Variants in TNXB observed in about 807,000 individuals in gnomAD.
TNXB encodes the protein tenascin XB.
Under a neutral mutation model 340.5 loss-of-function variants are expected in TNXB, and 183 were observed. That is an observed-to-expected ratio of 0.54 (90% confidence interval 0.48 to 0.61). The LOEUF is 0.61. Among genes scored for constraint, TNXB ranks in the 20% least tolerant of loss-of-function variants. The pLI is 0.00. For missense variants in TNXB, 4,613 were observed against 5,446.4 expected (o/e 0.85, Z 4.82); for synonymous variants, 2,121 against 2,314.5 (o/e 0.92, Z 2.40).
rs1346211489 is a variant in TNXB at position 32,082,089 on chromosome 6, A to T, written c.3683T>A (p.Phe1228Tyr). Residue 1228 changes from phenylalanine to tyrosine, a missense_variant, in exon 9 of 44, where the codon TTT becomes TAT. Coordinates refer to ENST00000644971, the MANE Select transcript of TNXB (RefSeq NM_001365276.2). This position sits in a 1 kb window ranked among gnomAD's most constrained non-coding sequence, Gnocchi z 5.0. ...DPDHKYRFTL[F>Y]GIANKKRYGP... Reference sequence around the variant, plus strand: ...ATACCGCTTCTTGTTCGCAATTCCAAACAGAGTGAATCTGTACTTGTGGTC... The same window carrying T: ...ATACCGCTTCTTGTTCGCAATTCCATACAGAGTGAATCTGTACTTGTGGTC... 1.9e-6 allele frequency: 3 copies of T among 1,610,028 alleles called. No individual in the cohort carries two copies. In the South Asian group the frequency reaches 3.3e-5, roughly 18 times the overall value.
At chr6:32,094,702 G>A (rs1780235060) in intron 4 of TNXB, among the ~76,000 whole-genome samples, 1 of 152,128 alleles carries the variant, frequency 6.6e-6, no homozygotes. Context: ...TAGGACACAG[G>A]GAAAGCAAAA....
chr6:32,056,661 G>A lies in TNXB; in HGVS notation c.8068C>T (p.His2690Tyr). ...GVTISGLEPD[H>Y]KYKMNLYGFH... is the part of the protein sequence containing the mutation. ...CCGTACAGGTTCATCTTGTATTTATGGTCTGGCTCCAGGCCTGAGATGGTG... is the reference window on the plus strand; with the variant it reads ...CCGTACAGGTTCATCTTGTATTTATAGTCTGGCTCCAGGCCTGAGATGGTG... The change falls in exon 23 of 44, where the codon CAT becomes TAT. Residue 2690 changes from histidine to tyrosine, a missense_variant. Coordinates refer to ENST00000644971, the MANE Select transcript of TNXB (RefSeq NM_001365276.2). 2 of 1,613,120 alleles carry A rather than the reference G, an allele frequency of 1.2e-6. No homozygotes were observed. The highest frequency in any genetic ancestry group is 2.2e-5 in the South Asian group (2 of 91,084).
chr6:32,077,668 C>T (rs1234781343), intron 11 of TNXB, among the ~76,000 whole-genome samples: 1 of 152,086 alleles, frequency 6.6e-6, no homozygotes, highest in Non-Finnish European at 1.5e-5. Context: ...TGTAACCAGG[C>T]CTGAGAGAAA....
chr6:32,048,350 A>G lies in TNXB; in HGVS notation c.10045+13T>C. On this transcript the variant is annotated intron_variant, in intron 29 of 43. Coordinates refer to ENST00000644971, the MANE Select transcript of TNXB (RefSeq NM_001365276.2). Reference sequence around the variant, plus strand: ...AAGGCTCTGGCCGCGGGAGGCCTCCAGCCCTCACTCACCGGTCCTGGCCTC... The same window carrying G: ...AAGGCTCTGGCCGCGGGAGGCCTCCGGCCCTCACTCACCGGTCCTGGCCTC... The G allele has an allele frequency of 1.4e-6, 2 of 1,477,904 alleles. No individual in the cohort carries two copies. The highest frequency in any genetic ancestry group is 1.8e-6 in the Non-Finnish European group (2 of 1,112,392). The allele number at this position is 1,477,904 out of a possible 1,614,324, so 91.5% of individuals were successfully genotyped here.
rs367949241 is a variant in TNXB at position 32,053,695 on chromosome 6, T to G, written c.8484A>C (p.Ala2828=). The change falls in exon 25 of 44, where the codon GCA becomes GCC. Residue 2828 remains alanine, a synonymous_variant. Transcript: ENST00000644971. Reference sequence around the variant, plus strand: ...TGGTGGGCACTGCTTGGGTGGTCTCTGCTTCATCCTCTGGAGCTGGACAGA... The same window carrying G: ...TGGTGGGCACTGCTTGGGTGGTCTCGGCTTCATCCTCTGGAGCTGGACAGA... ...TVGVTAPEDE[A]ETTQAVPTTT... The G allele has an allele frequency of 6.6e-4, 1,070 of 1,612,254 alleles. No individual in the cohort carries two copies. Among genetic ancestry groups the G allele is most frequent in the Non-Finnish European group, 8.1e-4 (956 of 1,179,178 alleles).
At position 32,069,431 on chromosome 6, in the gene TNXB, A is replaced by G. The variant is rs572907491; in HGVS notation, c.5587+122T>C. 9.6e-6 allele frequency: 12 copies of G among 1,252,504 alleles called. No individual in the cohort carries two copies. In the African/African-American group the frequency reaches 1.8e-4, roughly 19 times the overall value. 77.6% of individuals were successfully genotyped at this position (1,252,504 alleles called of 1,614,324 possible). ...GGGCAACTGACTCTAAAGGGGCACA[A>G]GGAAACTTTCTGGATCAATGGAAAT... On this transcript the variant is annotated intron_variant, in intron 15 of 43. Transcript: ENST00000644971. This position sits in a 1 kb window ranked among gnomAD's most constrained non-coding sequence, Gnocchi z 6.2.
chr6:32,096,307 G>C lies in TNXB; in HGVS notation c.1546C>G (p.Pro516Ala). 1 of 1,551,246 alleles carries C rather than the reference G, an allele frequency of 6.4e-7. No homozygotes were observed. ...RCVDGRCVCN[P>A]GFTGEDCGSR... is the part of the protein sequence containing the mutation. ...CCACAGTCCTCACCGGTGAAGCCCG[G>C]GTTGCACACGCAGCGGCCATCCACG... is the stretch of plus-strand genomic sequence containing the variant. The change falls in exon 3 of 44, where the codon CCG becomes GCG. Residue 516 changes from proline (P) to alanine (A), a missense_variant. Physicochemically the swap from Pro to Ala is conservative, Grantham distance 27. Transcript: ENST00000644971.
chr6:32,049,673 G>C lies in TNXB; in HGVS notation c.9440-86C>G. On this transcript the variant is annotated intron_variant, in intron 27 of 43. Coordinates refer to ENST00000644971, the MANE Select transcript of TNXB (RefSeq NM_001365276.2). The surrounding 1 kb of genome is among the most constrained non-coding windows in gnomAD (Gnocchi z 4.5). ...AGGGAGAAGCCAAGGCTATGACTGGGGGACCTGAGGTCATTTCAGAGAAGT... is the reference window on the plus strand; with the variant it reads ...AGGGAGAAGCCAAGGCTATGACTGGCGGACCTGAGGTCATTTCAGAGAAGT... The C allele has an allele frequency of 6.9e-7, 1 of 1,441,638 alleles. No individual in the cohort carries two copies. Among genetic ancestry groups the C allele is most frequent in the East Asian group, 2.4e-5 (1 of 42,346 alleles). The allele number at this position is 1,441,638 out of a possible 1,614,324, so 89.3% of individuals were successfully genotyped here.
rs188789382 is a variant in TNXB, at chr6:32,081,652, G to A, written c.3758C>T (p.Pro1253Leu). The A allele has an allele frequency of 3.8e-5, 60 of 1,589,254 alleles. No individual in the cohort carries two copies. Among genetic ancestry groups the A allele is most frequent in the Non-Finnish European group, 5.1e-5 (59 of 1,168,124 alleles). The stretch of plus-strand genomic sequence containing the variant: ...CTGCTCCAGGAACTCAGGGCGGGGG[G>A]GCTCCTCTTTCCTCTCTGGAGCTGT... ...GTTAPERKEE[P>L]PRPEFLEQPL... Residue 1253 changes from proline to leucine, a missense_variant, in exon 10 of 44, where the codon CCC (proline) becomes CTC (leucine). Physicochemically the swap from Pro to Leu is moderately conservative, Grantham distance 98. Transcript: ENST00000644971. The surrounding 1 kb of genome is among the most constrained non-coding windows in gnomAD (Gnocchi z 5.1).
chr6:32,109,282 C>T lies in TNXB; in HGVS notation c.-110G>A, dbSNP rs1781122159. ...ACAGGGAAGTCTCCCTCACTTGTCCCCTGCAACAGGGGCTGAGCCACAACC... is the reference window on the plus strand; with the variant it reads ...ACAGGGAAGTCTCCCTCACTTGTCCTCTGCAACAGGGGCTGAGCCACAACC... On this transcript the variant is annotated 5_prime_UTR_variant, in exon 1 of 44. Coordinates refer to ENST00000644971, the MANE Select transcript of TNXB (RefSeq NM_001365276.2). 1 of 152,278 alleles carries T rather than the reference C, an allele frequency of 6.6e-6. No homozygotes were observed. The highest frequency in any genetic ancestry group is 1.5e-5 in the Non-Finnish European group (1 of 68,088). The allele number at this position is 152,278 out of a possible 1,614,324, so 9.4% of individuals were successfully genotyped here.
At chr6:32,056,507 T>C (rs1304302054) in intron 23 of TNXB, 79 bp downstream of exon 23, 1 of 1,558,546 alleles carries the variant, frequency 6.4e-7, no homozygotes, top group African/African-American at 1.4e-5. Flanking sequence ...CCCTGGCCCA[T>C]TCCCCACCAG....
Position 32,062,151 on chromosome 6 carries a change from A to C in TNXB, c.7168+6T>G, listed in dbSNP as rs1276267565. 11 of 1,609,186 alleles carry C rather than the reference A, an allele frequency of 6.8e-6. No homozygotes were observed. Among genetic ancestry groups the C allele is most frequent in the Middle Eastern group, 1.7e-4 (1 of 6,038 alleles). ...TCCCACCCTGGGGCTCCCATCGTCC[A>C]CTCACCTGTCACCCCGATGGCAGAC... On this transcript the variant is annotated splice_donor_region_variant and intron_variant, in intron 20 of 43. Transcript: ENST00000644971. The surrounding 1 kb of genome is among the most constrained non-coding windows in gnomAD (Gnocchi z 4.3).
At position 32,069,087 on chromosome 6, in the gene TNXB, C is replaced by T. The variant is rs765915397; in HGVS notation, c.5637G>A (p.Ala1879=). The change falls in exon 16 of 44, where the codon GCG becomes GCA. Residue 1879 remains alanine, a synonymous_variant. Transcript: ENST00000644971. The surrounding 1 kb of genome is among the most constrained non-coding windows in gnomAD (Gnocchi z 6.2). ...TCAACTCCCCGAGGTGGGGCTCAGG[C>T]GCTGGAGGGGTCGGGGCCGTGGTCT... is the stretch of plus-strand genomic sequence containing the variant. The part of the protein sequence containing the change: ...ETETTAPTPP[A]PEPHLGELTV... The T allele has an allele frequency of 6.8e-6, 11 of 1,612,368 alleles. No homozygotes were observed. Among genetic ancestry groups the T allele is most frequent in the African/African-American group, 2.7e-5 (2 of 74,906 alleles).
intron 1 of TNXB, among the ~76,000 whole-genome samples, chr6:32,107,446 A>T (rs1781038729): frequency 6.6e-6 from 1 of 151,606 alleles, no homozygotes; most frequent in Non-Finnish European, 1.5e-5. Context: ...TCCCCATTCC[A>T]GCTCCTGGGA....
In TNXB at chr6:32,082,347, G is replaced by A. The variant is rs545972552; in HGVS notation, c.3446-21C>T. 6.4e-7 allele frequency: 1 copy of A among 1,570,466 alleles called. No homozygotes were observed. The highest frequency in any genetic ancestry group is 1.2e-5 in the South Asian group (1 of 85,282). The stretch of plus-strand genomic sequence containing the variant: ...AGGCACTAGGAAGAGTGGGTAGAGA[G>A]AAGGGAGAGACTTAGGTCCAAGGAG... On this transcript the variant is annotated intron_variant, in intron 8 of 43. Coordinates refer to ENST00000644971, the MANE Select transcript of TNXB (RefSeq NM_001365276.2). The surrounding 1 kb of genome is among the most constrained non-coding windows in gnomAD (Gnocchi z 5.0).
At chr6:32,095,270 C>T (rs778155410) in intron 3 of TNXB, 79 bp from the exon 4 acceptor site, 10 of 1,108,316 alleles carry the variant, frequency 9.0e-6, no homozygotes, top group Non-Finnish European at 1.2e-5. Context: ...TACTCAGGGA[C>T]ATCGAAGAGG....
rs1490699102 is a variant in TNXB, at chr6:32,064,401, TG to T, written c.6841+419del. Among the ~76,000 whole-genome samples the T allele has an allele frequency of 2.6e-5, 4 of 151,996 alleles. No homozygotes were observed. Among genetic ancestry groups the T allele is most frequent in the African/African-American group, 7.3e-5 (3 of 41,354 alleles). ...CTAATTTTTGTATTTTTAGTAGAGA[TG>T]GGGGTTTCATGATGTTGGCCAGGCT... is the stretch of plus-strand genomic sequence containing the variant. On this transcript the variant is annotated intron_variant, in intron 19 of 43. Coordinates refer to ENST00000644971, the MANE Select transcript of TNXB (RefSeq NM_001365276.2). The surrounding 1 kb of genome is among the most constrained non-coding windows in gnomAD (Gnocchi z 5.3).
chr6:32,058,404 TA>T lies in TNXB; in HGVS notation c.7493-15del. Reference sequence around the variant, plus strand: ...CCTCTTGTGGGGCTGAAAGGTAATATAGGGGGATACAGAGTTTAAGGGTTTA... The same window carrying T: ...CCTCTTGTGGGGCTGAAAGGTAATATGGGGGATACAGAGTTTAAGGGTTTA... On this transcript the variant is annotated splice_polypyrimidine_tract_variant and intron_variant, in intron 21 of 43. Coordinates refer to ENST00000644971, the MANE Select transcript of TNXB (RefSeq NM_001365276.2). This position sits in a 1 kb window ranked among gnomAD's most constrained non-coding sequence, Gnocchi z 5.1. 6.3e-7 allele frequency: 1 copy of T among 1,579,932 alleles called. No homozygotes were observed. The highest frequency in any genetic ancestry group is 8.6e-7 in the Non-Finnish European group (1 of 1,162,760).
chr6:32,097,775 C>G lies in TNXB; in HGVS notation c.403+21G>C, dbSNP rs1312993359. On this transcript the variant is annotated intron_variant, in intron 2 of 43. Coordinates refer to ENST00000644971, the MANE Select transcript of TNXB (RefSeq NM_001365276.2). This position sits in a 1 kb window ranked among gnomAD's most constrained non-coding sequence, Gnocchi z 5.9. ...CCACCCCACCCCACCTCTCCACCCT[C>G]TTCTGTGATCACCTGCTCACCTGTG... 1 of 1,498,858 alleles carries G rather than the reference C, an allele frequency of 6.7e-7. No individual in the cohort carries two copies. The highest frequency in any genetic ancestry group is 1.4e-5 in the African/African-American group (1 of 71,556). 92.8% of individuals were successfully genotyped at this position (1,498,858 alleles called of 1,614,324 possible).
Sources: gnomAD v4.1 joint callset for allele counts (sites outside exome capture counted in the v4.1 genomes callset) on GRCh38, gnomAD v4.1.1 for gene constraint, Gnocchi (gnomAD v3.1) non-coding constraint, MANE v1.5 for transcripts, NCBI Gene and HGNC (gene_info 2026-07-23, HGNC 2026-07-21) for gene names.